ROBO2: variants seen among roughly 807,000 people sequenced by gnomAD.
The protein encoded by ROBO2 is roundabout guidance receptor 2.
Under a neutral mutation model 160.8 loss-of-function variants are expected in ROBO2, and 53 were observed. The ratio of observed to expected loss-of-function variants is 0.33; its 90% CI spans 0.26 to 0.41. The LOEUF is 0.41. Ranked by LOEUF, ROBO2 falls within the 10% of genes least tolerant of loss-of-function variation. The pLI is 1.00. For synonymous variants in ROBO2, 664 were observed against 611.7 expected, an observed-to-expected ratio of 1.09 and a Z score of -1.26; for missense variants, 1,577 against 1,722.4, an observed-to-expected ratio of 0.92 and a Z score of 1.49.
At chr3:76,600,386 T>C (rs1394428824) in intron 2 of ROBO2, among the ~76,000 whole-genome samples, 1 of 152,206 alleles carries the variant, frequency 6.6e-6, no homozygotes, top group African/African-American at 2.4e-5. Flanking sequence ...TGTAAGTCTC[T>C]GTGTTAGTTC....
intron 2 of ROBO2, among the ~76,000 whole-genome samples, chr3:76,206,664 G>A (rs1702826750): frequency 6.6e-6 from 1 of 151,908 alleles, no homozygotes; most frequent in African/African-American, 2.4e-5. Flanking sequence ...AATAGTCTTG[G>A]GTATTTCCTT....
rs75606898 is a variant in ROBO2, at chr3:77,164,457, T to C, written c.388+66117T>C. Among the ~76,000 whole-genome samples the C allele has an allele frequency of 6.3e-3, 401 of 63,610 alleles. 29 individuals carry two copies. The highest frequency in any genetic ancestry group is 0.017 in the African/African-American group (350 of 20,504). 41.7% of individuals were successfully genotyped at this position (63,610 alleles called of 152,430 possible). A position where few individuals can be genotyped will look rare whatever the true frequency, so the allele number is the denominator to read the frequency against. On this transcript the variant is annotated intron_variant, in intron 2 of 25. Transcript: ENST00000461745. ...GAGGTGGGGGGGTCAGCCCCCCGCC[T>C]GGCCAGCAGTGCTGTCCGGGAGGGA... is the stretch of plus-strand genomic sequence containing the variant.
intron 9 of ROBO2, among the ~76,000 whole-genome samples, chr3:77,560,125 A>G (rs2093273094): frequency 1.3e-5 from 2 of 152,088 alleles, no homozygotes; most frequent in Admixed American, 1.3e-4. Context: ...TGTTTGAAAG[A>G]AGCAATTAAA....
intron 2 of ROBO2, among the ~76,000 whole-genome samples, chr3:76,674,662 C>A (rs570864203): frequency 9.6e-4 from 144 of 149,948 alleles, no homozygotes; most frequent in African/African-American, 3.4e-3. Context: ...TTAAATAGCA[C>A]AAACAAACAG....
intron 2 of ROBO2, among the ~76,000 whole-genome samples, chr3:76,678,301 C>G (rs766156550): frequency 6.6e-6 from 1 of 152,012 alleles, no homozygotes; most frequent in Non-Finnish European, 1.5e-5. Flanking sequence ...CGAGTTTTTT[C>G]TTCTTCATTT....
At chr3:77,312,098 A>G (rs2063593352) in intron 2 of ROBO2, among the ~76,000 whole-genome samples, 1 of 152,168 alleles carries the variant, frequency 6.6e-6, no homozygotes, top group East Asian at 1.9e-4. Flanking sequence ...AAAAGAAAAA[A>G]AAATGATTCA....
chr3:76,656,102 A>C (rs2091510288), intron 2 of ROBO2, among the ~76,000 whole-genome samples: 1 of 152,148 alleles, frequency 6.6e-6, no homozygotes, highest in South Asian at 2.1e-4. Flanking sequence ...AAGAGCAAAC[A>C]GTAAAATCTA....
chr3:77,226,345 G>A (rs2086496269), intron 2 of ROBO2, among the ~76,000 whole-genome samples: 1 of 151,524 alleles, frequency 6.6e-6, no homozygotes, highest in Middle Eastern at 3.2e-3. Flanking sequence ...CGAGAATACA[G>A]TTTTAGTTTT....
intron 6 of ROBO2, among the ~76,000 whole-genome samples, chr3:77,538,130 T>C (rs2092258091): frequency 6.8e-6 from 1 of 147,968 alleles, no homozygotes; most frequent in South Asian, 2.1e-4. Context: ...AAAAAAATAG[T>C]TAATTAGAAA....
chr3:76,822,563 A>G (rs1231337820), intron 2 of ROBO2, among the ~76,000 whole-genome samples: 1 of 151,966 alleles, frequency 6.6e-6, no homozygotes, highest in Non-Finnish European at 1.5e-5. Flanking sequence ...TTACATGTCT[A>G]AATTCATTAA....
intron 2 of ROBO2, among the ~76,000 whole-genome samples, chr3:76,910,444 T>C (rs1343183113): frequency 6.6e-6 from 1 of 151,994 alleles, no homozygotes; most frequent in Non-Finnish European, 1.5e-5. Flanking sequence ...ATATACATTG[T>C]TGGCCGCACA....
intron 2 of ROBO2, among the ~76,000 whole-genome samples, chr3:76,386,644 A>G (rs1379001447): frequency 2.0e-5 from 3 of 152,152 alleles, no homozygotes; most frequent in African/African-American, 7.2e-5. Context: ...AAGTATAATT[A>G]AGTCTAAATA....
intron 2 of ROBO2, among the ~76,000 whole-genome samples, chr3:77,266,518 G>A (rs897185037): frequency 2.0e-5 from 3 of 151,998 alleles, no homozygotes; most frequent in South Asian, 2.1e-4. Context: ...AAGACCTTAC[G>A]TAAAGGCCTT....
At chr3:76,910,736 AAAAAAAAAG>A (rs1166316587) in intron 2 of ROBO2, among the ~76,000 whole-genome samples, 179 of 148,622 alleles carry the variant, frequency 1.2e-3, no homozygotes, top group African/African-American at 4.1e-3. Context: ...AAAAAAAAAA[AAAAAAAAAG>A]AAAAAAAAAG....
At chr3:76,491,161 T>C (rs1175705849) in intron 2 of ROBO2, among the ~76,000 whole-genome samples, 1 of 152,076 alleles carries the variant, frequency 6.6e-6, no homozygotes, top group Non-Finnish European at 1.5e-5. Flanking sequence ...GGTTTCACCA[T>C]GTTGGCCAGG....
At chr3:77,446,242 A>G (rs541224136) in intron 2 of ROBO2, among the ~76,000 whole-genome samples, 41 of 152,174 alleles carry the variant, frequency 2.7e-4, no homozygotes, top group Non-Finnish European at 1.3e-4. Flanking sequence ...AATTGTAGAC[A>G]TCAAAGCTAT....
chr3:76,048,070 T>C (rs1474632566), intron 2 of ROBO2, among the ~76,000 whole-genome samples: 1 of 152,164 alleles, frequency 6.6e-6, no homozygotes, highest in East Asian at 1.9e-4. Flanking sequence ...ATTAGAGGCT[T>C]TTCATATATT....
intron 2 of ROBO2, among the ~76,000 whole-genome samples, chr3:77,342,993 T>C (rs1670381164): frequency 6.6e-6 from 1 of 152,070 alleles, no homozygotes; most frequent in African/African-American, 2.4e-5. Context: ...GTAGGGTCTG[T>C]CTTCCTGGCT....
intron 2 of ROBO2, among the ~76,000 whole-genome samples, chr3:76,768,379 C>T (rs953434413): frequency 6.6e-6 from 1 of 151,274 alleles, no homozygotes; most frequent in East Asian, 2.0e-4. Flanking sequence ...CAAATGAATT[C>T]GACCGCCTTT....
Sources: allele counts gnomAD v4.1 joint callset (sites outside exome capture counted in the v4.1 genomes callset), GRCh38; gene constraint gnomAD v4.1.1; transcripts MANE v1.5; gene names NCBI Gene and HGNC (gene_info 2026-07-23, HGNC 2026-07-21).